UTRN: variants seen among roughly 807,000 people sequenced by gnomAD.
The protein encoded by UTRN is dystrophin-related protein 1.
A neutral mutation model predicts 463.9 loss-of-function variants in UTRN; 283 were observed. The observed-to-expected ratio is 0.61, with a 90% confidence interval of 0.55 to 0.67. UTRN has a LOEUF of 0.67. Among genes scored for constraint, UTRN ranks in the 30% least tolerant of loss-of-function variants. The probability of loss-of-function intolerance (pLI) is 0.00; values close to 1 mark genes in which losing one functional copy is unlikely to be tolerated. For missense variants in UTRN, 3,922 were observed against 4,084.3 expected, an observed-to-expected ratio of 0.96 and a Z score of 1.08; for synonymous variants, 1,442 against 1,431.5, an observed-to-expected ratio of 1.01 and a Z score of -0.17.
Position 144,490,941 on chromosome 6 carries a change from G to GA in UTRN, c.4277dup (p.Val1427GlyfsTer13), listed in dbSNP as rs1422511812. On this transcript the variant is annotated frameshift_variant, in exon 32 of 75. Coordinates refer to ENST00000367545, the MANE Select transcript of UTRN (RefSeq NM_007124.3). LOFTEE classifies it high-confidence loss of function. ...TTTCTGCAAACAGAGGAAACTCCGA[G>GA]AGGTGTCCACAAAGTTCCAGCTTTT... 1 of 1,601,052 alleles carries GA rather than the reference G, an allele frequency of 6.2e-7. No individual in the cohort carries two copies. The highest frequency in any genetic ancestry group is 8.5e-7 in the Non-Finnish European group (1 of 1,173,606).
At chr6:144,387,159 G>A (rs1393438796) in intron 2 of UTRN, among the ~76,000 whole-genome samples, 1 of 151,910 alleles carries the variant, frequency 6.6e-6, no homozygotes, top group Non-Finnish European at 1.5e-5. Context: ...ATTTTTTTGA[G>A]ATGGAGGCTC....
At chr6:144,699,123 C>T (rs974854664) in intron 52 of UTRN, among the ~76,000 whole-genome samples, 1 of 152,076 alleles carries the variant, frequency 6.6e-6, no homozygotes, top group Non-Finnish European at 1.5e-5. Flanking sequence ...GAAAGTAACA[C>T]ATCAGTAATT....
chr6:144,576,996 T>C, intron 50 of UTRN, 103 bp from the exon 51 acceptor site: 1 of 1,084,878 alleles, frequency 9.2e-7, no homozygotes, highest in Middle Eastern at 3.1e-4. Context: ...GAATAAAAGG[T>C]CCTTTGGGGG....
intron 53 of UTRN, among the ~76,000 whole-genome samples, chr6:144,724,435 G>T (rs1242427715): frequency 6.6e-6 from 1 of 151,620 alleles, no homozygotes; most frequent in African/African-American, 2.4e-5. Context: ...CACCATATTG[G>T]CCAGGCTGGT....
At chr6:144,444,173 AGTT>A (rs1454261926) in intron 13 of UTRN, 105 bp from the exon 14 acceptor site, 1 of 858,816 alleles carries the variant, frequency 1.2e-6, no homozygotes, top group African/African-American at 1.8e-5. Context: ...ACTTTTTATA[AGTT>A]GTTATTCTAT....
chr6:144,824,614 C>CTCTCTTTT (rs1315487327), intron 66 of UTRN, among the ~76,000 whole-genome samples: 57 of 30,872 alleles, frequency 1.8e-3, no homozygotes, highest in African/African-American at 5.8e-3. Context: ...ATATATATAT[C>CTCTCTTTT]TTTTTTTTTT....
At position 144,643,613 on chromosome 6, in the gene UTRN, A is replaced by G. The variant is rs550305861; in HGVS notation, c.7480-34793A>G. ...GGAGTTCAAGACCAGCCCGGCCAACATGGTGAAACCCCATCTCTACTAAAA... is the reference window on the plus strand; with the variant it reads ...GGAGTTCAAGACCAGCCCGGCCAACGTGGTGAAACCCCATCTCTACTAAAA... On this transcript the variant is annotated intron_variant, in intron 51 of 74. Coordinates refer to ENST00000367545, the MANE Select transcript of UTRN (RefSeq NM_007124.3). 2.0e-5 allele frequency among the ~76,000 whole-genome samples: 3 copies of G among 152,262 alleles called. No homozygotes were observed. In the South Asian group the frequency reaches 6.2e-4, roughly 32 times the overall value.
At chr6:144,575,688 A>C (rs898074222) in intron 50 of UTRN, among the ~76,000 whole-genome samples, 2 of 152,174 alleles carry the variant, frequency 1.3e-5, no homozygotes, top group Admixed American at 6.5e-5. Flanking sequence ...GGTATGATGC[A>C]TGGGAAAAAA....
Position 144,427,839 on chromosome 6 carries a change from C to T in UTRN, c.579-939C>T, listed in dbSNP as rs192436211. Among the ~76,000 whole-genome samples, 288 of 152,258 alleles carry T rather than the reference C, an allele frequency of 1.9e-3. 1 individual carries two copies. Among genetic ancestry groups the T allele is most frequent in the Middle Eastern group, 0.01 (3 of 294 alleles). ...ACAGGGTATACAGCAGAGAACAAAA[C>T]AGGCAAAAATCTTAGTTCTCGTGGA... is the stretch of plus-strand genomic sequence containing the variant. On this transcript the variant is annotated intron_variant, in intron 7 of 74. Transcript: ENST00000367545.
In UTRN at chr6:144,516,816, T is replaced by G. The variant is rs1471329353; in HGVS notation, c.5409T>G (p.Asp1803Glu). Residue 1803 changes from aspartate (D) to glutamate (E), a missense_variant, in exon 39 of 75, where the codon GAT becomes GAG. This residue lies in a region of UTRN where 2,349 missense variants were observed against 2,303.8 expected (regional missense o/e 1.02). Coordinates refer to ENST00000367545, the MANE Select transcript of UTRN (RefSeq NM_007124.3). The part of the protein sequence containing the change: ...LESSDEDEKM[D>E]EESAQIEEVL... ...TTTTCCTTTTAAAAATTTAGATGGA[T>G]GAGGAGAGTGCCCAGATTGAGGAAG... is the stretch of plus-strand genomic sequence containing the variant. 6.8e-7 allele frequency: 1 copy of G among 1,476,762 alleles called. No homozygotes were observed. The highest frequency in any genetic ancestry group is 1.5e-5 in the African/African-American group (1 of 67,592). The allele number at this position is 1,476,762 out of a possible 1,614,324, so 91.5% of individuals were successfully genotyped here.
intron 33 of UTRN, 139 bp downstream of exon 33, chr6:144,493,595 A>T (rs1323116879): frequency 6.8e-6 from 6 of 884,698 alleles, no homozygotes; most frequent in Non-Finnish European, 8.2e-6. Flanking sequence ...TGAGATTCAT[A>T]CGTGTTTTCA....
chr6:144,426,467 A>T lies in UTRN; in HGVS notation c.578+8A>T. The T allele has an allele frequency of 6.2e-7, 1 of 1,612,470 alleles. No individual in the cohort carries two copies. The highest frequency in any genetic ancestry group is 8.5e-7 in the Non-Finnish European group (1 of 1,179,246). ...TGTCCTCCACCGACATAAGTGAGAC[A>T]TTACTCTATCTAGAAGTGGGCTTTA... is the stretch of plus-strand genomic sequence containing the variant. On this transcript the variant is annotated splice_region_variant and intron_variant, in intron 7 of 74. Transcript: ENST00000367545.
rs192478067 is a variant in UTRN at position 144,614,059 on chromosome 6, C to G, written c.7479+36771C>G. On this transcript the variant is annotated intron_variant, in intron 51 of 74. Transcript: ENST00000367545. ...GAGTCAGAGCCTTTTTTTTCCTTTT[C>G]TGAATTTATAGTAACGACTCAACAC... Among the ~76,000 whole-genome samples, 663 of 151,456 alleles carry G rather than the reference C, an allele frequency of 4.4e-3. 2 individuals carry two copies. The highest frequency in any genetic ancestry group is 0.014 in the African/African-American group (595 of 41,350).
chr6:144,824,643 G>A (rs1209804498), intron 66 of UTRN, among the ~76,000 whole-genome samples: 3 of 73,824 alleles, frequency 4.1e-5, no homozygotes, highest in African/African-American at 6.8e-5. Flanking sequence ...TTTTTGAGAC[G>A]GGGTCCAGTT....
At chr6:144,793,736 T>G in intron 62 of UTRN, 98 bp from the exon 63 acceptor site, 1 of 1,451,314 alleles carries the variant, frequency 6.9e-7, no homozygotes. Context: ...TCTGAAATTT[T>G]TTTAATCTGC....
At position 144,570,990 on chromosome 6, in the gene UTRN, C is replaced by T. The variant is rs566804414; in HGVS notation, c.7290-6109C>T. 2.0e-5 allele frequency among the ~76,000 whole-genome samples: 3 copies of T among 152,040 alleles called. No homozygotes were observed. The South Asian group carries it at 6.3e-4, about 32-fold the overall frequency. ...GATCTCTTTTTACATTAGCTGTTGC[C>T]ATATAACCTATTATGTGCATATGAA... On this transcript the variant is annotated intron_variant, in intron 50 of 74. Coordinates refer to ENST00000367545, the MANE Select transcript of UTRN (RefSeq NM_007124.3).
At chr6:144,466,160 A>T (rs1300607863) in intron 23 of UTRN, among the ~76,000 whole-genome samples, 1 of 152,258 alleles carries the variant, frequency 6.6e-6, no homozygotes, top group Non-Finnish European at 1.5e-5. Context: ...GAACTCTGTG[A>T]AGGACATTTA....
intron 2 of UTRN, among the ~76,000 whole-genome samples, chr6:144,370,506 T>C (rs570921552): frequency 1.3e-5 from 2 of 152,302 alleles, no homozygotes; most frequent in South Asian, 2.1e-4. Context: ...CAGAGGTGTG[T>C]TGCAGGGGCA....
At chr6:144,480,015 C>T (rs1451227103) in intron 26 of UTRN, 33 bp downstream of exon 26, 1 of 1,601,466 alleles carries the variant, frequency 6.2e-7, no homozygotes, top group Non-Finnish European at 8.5e-7. Context: ...CAACAGGCTT[C>T]ATGCCTCCCT....
Sources: allele counts gnomAD v4.1 joint callset (sites outside exome capture counted in the v4.1 genomes callset), GRCh38; gene constraint gnomAD v4.1.1; regional missense constraint gnomAD v4.1.1; transcripts MANE v1.5; gene names NCBI Gene and HGNC (gene_info 2026-07-23, HGNC 2026-07-21).